The following DOCK5 variants were observed in gnomAD, a reference collection of about 807,000 sequenced individuals.
DOCK5 encodes dedicator of cytokinesis protein 5.
Under a neutral mutation model 251.8 loss-of-function variants are expected in DOCK5, and 142 were observed. The ratio of observed to expected loss-of-function variants is 0.56; its 90% confidence interval spans 0.49 to 0.65. The LOEUF (loss-of-function observed/expected upper bound fraction) is 0.65. Ranked by LOEUF, DOCK5 falls within the 30% of genes least tolerant of loss-of-function variation. DOCK5 has a pLI of 0.00. For missense variants in DOCK5, 2,111 were observed against 2,312.3 expected (o/e 0.91, Z 1.79); for synonymous variants, 842 against 835.5 (o/e 1.01, Z -0.13).
At chr8:25,200,169 T>C (rs1801846765) in intron 1 of DOCK5, among the ~76,000 whole-genome samples, 1 of 152,212 alleles carries the variant, frequency 6.6e-6, no homozygotes, top group Non-Finnish European at 1.5e-5. Context: ...TTGGAGTTCA[T>C]TGTGACTTGA....
chr8:25,232,978 G>T (rs11989597), intron 1 of DOCK5, among the ~76,000 whole-genome samples: 2,531 of 152,050 alleles, frequency 0.017, 83 homozygotes, highest in African/African-American at 0.058. Flanking sequence ...TCACACACAT[G>T]CACTGACCAG....
At chr8:25,341,924 T>C in intron 24 of DOCK5, 115 bp downstream of exon 24, 1 of 805,050 alleles carries the variant, frequency 1.2e-6, no homozygotes, top group Non-Finnish European at 2.0e-6. Context: ...ATTAACTGAA[T>C]ACCTTTTTGT....
chr8:25,194,962 C>T (rs1801685349), intron 1 of DOCK5, among the ~76,000 whole-genome samples: 1 of 152,058 alleles, frequency 6.6e-6, no homozygotes, highest in South Asian at 2.1e-4. Context: ...GCTCTGTCGC[C>T]CAGACTGGAG....
chr8:25,248,322 C>T (rs145195923), intron 2 of DOCK5, among the ~76,000 whole-genome samples: 74 of 152,266 alleles, frequency 4.9e-4, no homozygotes, highest in African/African-American at 1.5e-3. Context: ...AAACATGAAA[C>T]GCGATGGGAA....
chr8:25,374,631 C>T lies in DOCK5; in HGVS notation c.3793C>T (p.Leu1265Phe). 1 of 1,613,938 alleles carries T rather than the reference C, an allele frequency of 6.2e-7. No homozygotes were observed. The highest frequency in any genetic ancestry group is 1.1e-5 in the South Asian group (1 of 91,076). Reference protein sequence around the residue: ...ENYTEAAYTLLLHAELLQWSD... With the variant: ...ENYTEAAYTLFLHAELLQWSD... ...CTACACAGAAGCTGCCTACACGCTT[C>T]TCTTGCACGCTGAGCTTCTGCAGGT... The change falls in exon 37 of 52, where the codon CTC becomes TTC. Residue 1265 changes from leucine to phenylalanine, a missense_variant. Leu to Phe is a conservative substitution (Grantham distance 22). Around this residue, in one of 3 missense-constraint regions of DOCK5, gnomAD observed 1,717 missense variants for 1,892.4 expected, o/e 0.91. Coordinates refer to ENST00000276440, the MANE Select transcript of DOCK5 (RefSeq NM_024940.8).
rs765336668 is a variant in DOCK5 at position 25,407,987 on chromosome 8, A to G, written c.5098A>G (p.Ile1700Val). 9 of 1,611,592 alleles carry G rather than the reference A, an allele frequency of 5.6e-6. No individual in the cohort carries two copies. The highest frequency in any genetic ancestry group is 6.8e-6 in the Non-Finnish European group (8 of 1,179,040). The change falls in exon 49 of 52, where the codon ATC (isoleucine) becomes GTC (valine). Residue 1700 changes from isoleucine to valine, a missense_variant. This residue lies in a region of DOCK5 where 1,717 missense variants were observed against 1,892.4 expected (regional missense o/e 0.91). Coordinates refer to ENST00000276440, the MANE Select transcript of DOCK5 (RefSeq NM_024940.8). ...APSRPGSDGS[I>V]LEPLLERRAS... ...GTCCTTGTTCCTGGCCAATAGCTCA[A>G]TCTTGGAGCCACTTTTGGAGCGCAG...
intron 2 of DOCK5, among the ~76,000 whole-genome samples, chr8:25,265,889 C>T (rs1179528081): frequency 6.6e-6 from 1 of 151,820 alleles, no homozygotes; most frequent in Non-Finnish European, 1.5e-5. Flanking sequence ...GAATTAGCAA[C>T]TCTCTGTTAT....
rs903481031 is a variant in DOCK5, at chr8:25,359,396, A to T, written c.2949+335A>T. ...GGTACAGTAACTACTCATGGCAAGG[A>T]TTTTAGAAGGCAGGGGTGTGCAAAG... On this transcript the variant is annotated intron_variant, in intron 28 of 51. Coordinates refer to ENST00000276440, the MANE Select transcript of DOCK5 (RefSeq NM_024940.8). Among the ~76,000 whole-genome samples the T allele has an allele frequency of 2.9e-5, 4 of 138,870 alleles. No individual in the cohort carries two copies. In the East Asian group the frequency reaches 6.4e-4, roughly 22 times the overall value. The allele number at this position is 138,870 out of a possible 152,430, so 91.1% of individuals were successfully genotyped here.
At chr8:25,393,039 T>C (rs1801288079) in intron 44 of DOCK5, among the ~76,000 whole-genome samples, 157 bp downstream of exon 44, 1 of 152,194 alleles carries the variant, frequency 6.6e-6, no homozygotes, top group African/African-American at 2.4e-5. Context: ...GCTTATATAA[T>C]AGAGCTCCTT....
intron 1 of DOCK5, among the ~76,000 whole-genome samples, chr8:25,187,102 G>T (rs1278532148): frequency 6.6e-6 from 1 of 151,528 alleles, no homozygotes; most frequent in African/African-American, 2.4e-5. Context: ...TGAGGAGGCT[G>T]AGGTGGGAGG....
intron 6 of DOCK5, among the ~76,000 whole-genome samples, chr8:25,296,288 TTGCATATCC>T (rs1338980906): frequency 6.6e-6 from 1 of 152,186 alleles, no homozygotes; most frequent in East Asian, 1.9e-4. Flanking sequence ...TGGACCATAT[TTGCATATCC>T]TTCTACGACT....
intron 7 of DOCK5, among the ~76,000 whole-genome samples, chr8:25,297,663 A>G (rs1804651818): frequency 6.6e-6 from 1 of 152,200 alleles, no homozygotes; most frequent in Non-Finnish European, 1.5e-5. Flanking sequence ...TGCTGGGATT[A>G]TAGGCATGAT....
At chr8:25,296,203 A>AT (rs1430756230) in intron 6 of DOCK5, among the ~76,000 whole-genome samples, 1 of 152,202 alleles carries the variant, frequency 6.6e-6, no homozygotes, top group East Asian at 1.9e-4. Context: ...ATAACAGAAG[A>AT]TTACAGGCAA....
intron 45 of DOCK5, chr8:25,395,983 C>T (rs1801338970): frequency 1.9e-6 from 1 of 534,914 alleles, no homozygotes; most frequent in East Asian, 4.1e-5. Flanking sequence ...GTTATTCTGT[C>T]TCCCCTGAGG....
chr8:25,349,968 A>G (rs1395660070), intron 26 of DOCK5, among the ~76,000 whole-genome samples: 4 of 152,226 alleles, frequency 2.6e-5, no homozygotes, highest in East Asian at 1.9e-4. Context: ...TCTGACTTCT[A>G]TGTGGAATCT....
intron 1 of DOCK5, among the ~76,000 whole-genome samples, chr8:25,200,766 A>C (rs2117459757): frequency 6.6e-6 from 1 of 152,372 alleles, no homozygotes; most frequent in South Asian, 2.1e-4. Flanking sequence ...CCAATATTTT[A>C]CTTCAATAAA....
At chr8:25,338,414 T>G (rs1213900352) in intron 22 of DOCK5, among the ~76,000 whole-genome samples, 1 of 152,262 alleles carries the variant, frequency 6.6e-6, no homozygotes, top group Non-Finnish European at 1.5e-5. Context: ...GTTTTTATTC[T>G]TTCAGCATTT....
intron 38 of DOCK5, among the ~76,000 whole-genome samples, chr8:25,379,961 G>A (rs1179111856): frequency 1.3e-5 from 2 of 151,984 alleles, no homozygotes; most frequent in Non-Finnish European, 2.9e-5. Context: ...CATGCTTTCC[G>A]AACCTGGGCT....
chr8:25,411,074 C>G (rs1417494921), intron 51 of DOCK5, 120 bp from the exon 52 acceptor site: 1 of 1,273,358 alleles, frequency 7.9e-7, no homozygotes, highest in Non-Finnish European at 1.0e-6. Flanking sequence ...CTTTGCAAAG[C>G]CTGTGTAGAT....
Sources: allele counts gnomAD v4.1 joint callset (sites outside exome capture counted in the v4.1 genomes callset), GRCh38; gene constraint gnomAD v4.1.1; regional missense constraint gnomAD v4.1.1; transcripts MANE v1.5; gene names NCBI Gene and HGNC (gene_info 2026-07-23, HGNC 2026-07-21).